Variants in KL observed in about 807,000 individuals in gnomAD.
KL encodes klotho.
A neutral mutation model predicts 84.2 loss-of-function variants in KL; 62 were observed. The ratio of observed to expected loss-of-function variants is 0.74; its 90% CI spans 0.60 to 0.91. The LOEUF is 0.91. Ranked by LOEUF, KL falls within the 40% of genes least tolerant of loss-of-function variation. The pLI is 0.00. For synonymous variants in KL, 528 were observed against 528.0 expected, an observed-to-expected ratio of 1.00 and a Z score of 0.00; for missense variants, 1,261 against 1,305.7, an observed-to-expected ratio of 0.97 and a Z score of 0.53.
At chr13:33,045,945 C>T (rs1022522860) in intron 1 of KL, among the ~76,000 whole-genome samples, 4 of 152,100 alleles carry the variant, frequency 2.6e-5, no homozygotes, top group Admixed American at 6.5e-5. Flanking sequence ...TAATGCATTA[C>T]AACGATTTTT....
chr13:33,042,036 A>C (rs190499357), intron 1 of KL, among the ~76,000 whole-genome samples: 1 of 152,204 alleles, frequency 6.6e-6, no homozygotes, highest in African/African-American at 2.4e-5. Context: ...TGTTGAATGA[A>C]TATGATCCCT....
rs151091898 is a variant in KL, at chr13:33,036,608, T to A, written c.820-17159T>A. On this transcript the variant is annotated intron_variant, in intron 1 of 4. Coordinates refer to ENST00000380099, the MANE Select transcript of KL (RefSeq NM_004795.4). Reference sequence around the variant, plus strand: ...AGGTATCTCATTGGCCTGGCTTGGGTCATTCAACTTGAAGTACAAGAAGAG... The same window carrying A: ...AGGTATCTCATTGGCCTGGCTTGGGACATTCAACTTGAAGTACAAGAAGAG... Among the ~76,000 whole-genome samples, 701 of 152,294 alleles carry A rather than the reference T, an allele frequency of 4.6e-3. 12 individuals carry two copies. In the Middle Eastern group the frequency reaches 0.082, roughly 18 times the overall value.
At chr13:33,024,676 C>T (rs954844285) in intron 1 of KL, among the ~76,000 whole-genome samples, 2 of 152,184 alleles carry the variant, frequency 1.3e-5, no homozygotes, top group African/African-American at 2.4e-5. Flanking sequence ...TGCTCTTCCC[C>T]GCCTGTCCTC....
chr13:33,017,030 CCCAGCGCCTGCAGGACG>C lies in KL; in HGVS notation c.593_609del (p.Gln198LeufsTer131). On this transcript the variant is annotated frameshift_variant, in exon 1 of 5. Transcript: ENST00000380099. LOFTEE classifies it high-confidence loss of function. ...GTCACCCTGTACCACTGGGACCTGC[CCCAGCGCCTGCAGGACG>C]CCTACGGCGGCTGGGCCAACCGCGC... 1 of 1,599,048 alleles carries C rather than the reference CCCAGCGCCTGCAGGACG, an allele frequency of 6.3e-7. No homozygotes were observed. The highest frequency in any genetic ancestry group is 8.5e-7 in the Non-Finnish European group (1 of 1,176,556).
intron 3 of KL, among the ~76,000 whole-genome samples, chr13:33,055,555 A>G (rs1405578436): frequency 6.6e-6 from 1 of 152,266 alleles, no homozygotes; most frequent in Non-Finnish European, 1.5e-5. Flanking sequence ...ATCAATATTT[A>G]AGATCCGATT....
rs886050119 is a variant in KL, at chr13:33,055,329, C to G, written c.1599+14C>G. On this transcript the variant is annotated intron_variant, in intron 3 of 4. Coordinates refer to ENST00000380099, the MANE Select transcript of KL (RefSeq NM_004795.4). ...AACTACATTCAAGTAAGTCAGCTGA[C>G]AAAACCAATCAGCAGTCTCACCAAG... The G allele has an allele frequency of 1.2e-6, 2 of 1,614,132 alleles. No individual in the cohort carries two copies. The highest frequency in any genetic ancestry group is 1.7e-6 in the Non-Finnish European group (2 of 1,180,022).
chr13:33,062,098 G>T (rs764455737), intron 4 of KL, among the ~76,000 whole-genome samples: 1 of 152,192 alleles, frequency 6.6e-6, no homozygotes, highest in Non-Finnish European at 1.5e-5. Flanking sequence ...ATTTAACCTT[G>T]CTGGGCATGG....
chr13:33,017,279 C>T lies in KL; in HGVS notation c.819+20C>T, dbSNP rs780478492. On this transcript the variant is annotated intron_variant, in intron 1 of 4. Coordinates refer to ENST00000380099, the MANE Select transcript of KL (RefSeq NM_004795.4). Reference sequence around the variant, plus strand: ...CTCCTGGTGAGTGCGAGGGGCCAGGCGGAGGGCCACGCAGGGGAGACAGAG... The same window carrying T: ...CTCCTGGTGAGTGCGAGGGGCCAGGTGGAGGGCCACGCAGGGGAGACAGAG... 9.1e-6 allele frequency: 14 copies of T among 1,539,096 alleles called. No individual in the cohort carries two copies. The African/African-American group carries it at 1.2e-4, about 13-fold the overall frequency.
rs139874106 is a variant in KL, at chr13:33,064,159, G to A, written c.3012G>A (p.Ser1004=). Residue 1004 remains serine (S), a synonymous_variant, in exon 5 of 5, where the codon TCG becomes TCA. Transcript: ENST00000380099. ...IISLSLIFYY[S]KKGRRSYK is the part of the protein sequence containing the mutation. ...CTCTCTCCCTTATATTTTACTACTC[G>A]AAGAAAGGCAGAAGAAGTTACAAAT... The A allele has an allele frequency of 3.6e-5, 58 of 1,608,838 alleles. No individual in the cohort carries two copies. Among genetic ancestry groups the A allele is most frequent in the African/African-American group, 2.0e-4 (15 of 74,738 alleles).
chr13:33,052,205 A>G (rs998721922), intron 1 of KL, among the ~76,000 whole-genome samples: 2 of 152,146 alleles, frequency 1.3e-5, no homozygotes, highest in African/African-American at 4.8e-5. Flanking sequence ...GATTCTCCCA[A>G]TGTGCTGGGA....
chr13:33,027,476 C>T (rs1870820077), intron 1 of KL, among the ~76,000 whole-genome samples: 1 of 152,178 alleles, frequency 6.6e-6, no homozygotes, highest in African/African-American at 2.4e-5. Context: ...CTATCAGGTC[C>T]TAGGCCTGCT....
intron 1 of KL, among the ~76,000 whole-genome samples, chr13:33,040,945 C>A (rs1287556938): frequency 6.6e-6 from 1 of 152,158 alleles, no homozygotes; most frequent in Non-Finnish European, 1.5e-5. Context: ...CAGATTCTGC[C>A]TTCAATAATA....
intron 1 of KL, among the ~76,000 whole-genome samples, chr13:33,034,434 G>A (rs1024023578): frequency 7.9e-5 from 12 of 152,026 alleles, no homozygotes; most frequent in Non-Finnish European, 1.2e-4. Flanking sequence ...AAGGATTCTT[G>A]CCTAATAGGG....
chr13:33,054,948 C>G, intron 2 of KL, 99 bp from the exon 3 acceptor site: 1 of 1,476,960 alleles, frequency 6.8e-7, no homozygotes, highest in African/African-American at 1.4e-5. Flanking sequence ...AAGCATTACA[C>G]TTTATTTATT....
intron 4 of KL, among the ~76,000 whole-genome samples, chr13:33,063,608 T>TA (rs1312485380): frequency 1.4e-3 from 204 of 144,870 alleles, no homozygotes; most frequent in Middle Eastern, 3.5e-3. Context: ...CCATCTCTAC[T>TA]AAAAAAAAAA....
intron 1 of KL, among the ~76,000 whole-genome samples, chr13:33,051,117 C>T (rs1301659338): frequency 6.6e-6 from 1 of 152,176 alleles, no homozygotes; most frequent in Non-Finnish European, 1.5e-5. Context: ...TCATGGAGAT[C>T]CTACTGTTGC....
intron 1 of KL, among the ~76,000 whole-genome samples, chr13:33,039,270 TG>T (rs1287499296): frequency 6.6e-6 from 1 of 152,236 alleles, no homozygotes; most frequent in Non-Finnish European, 1.5e-5. Context: ...GTCTTATTCC[TG>T]GGTTATTTTA....
rs1871133405 is a variant in KL, at chr13:33,035,892, G to A, written c.820-17875G>A. ...TAATGAAGCAAGAAGCTCAATCTCT[G>A]ATTTATTGATGTATTTACCCAGTGT... is the stretch of plus-strand genomic sequence containing the variant. On this transcript the variant is annotated intron_variant, in intron 1 of 4. Transcript: ENST00000380099. 2.0e-5 allele frequency among the ~76,000 whole-genome samples: 3 copies of A among 152,134 alleles called. No individual in the cohort carries two copies. In the South Asian group the frequency reaches 6.2e-4, roughly 32 times the overall value.
At chr13:33,026,211 A>C (rs1870771699) in intron 1 of KL, among the ~76,000 whole-genome samples, 1 of 152,156 alleles carries the variant, frequency 6.6e-6, no homozygotes, top group South Asian at 2.1e-4. Context: ...TTTCCCTTGC[A>C]GTGTCCCTTC....
Sources: gnomAD v4.1 joint callset for allele counts (sites outside exome capture counted in the v4.1 genomes callset) on GRCh38, gnomAD v4.1.1 for gene constraint, MANE v1.5 for transcripts, NCBI Gene and HGNC (gene_info 2026-07-23, HGNC 2026-07-21) for gene names.